Variants in PLCB4 observed in about 807,000 individuals in gnomAD.
PLCB4 encodes 1-phosphatidylinositol 4,5-bisphosphate phosphodiesterase beta-4.
A neutral mutation model predicts 178.8 loss-of-function variants in PLCB4; 77 were observed. The ratio of observed to expected loss-of-function variants is 0.43; its 90% CI spans 0.36 to 0.52. The LOEUF (loss-of-function observed/expected upper bound fraction) is 0.52, where lower values mean the gene tolerates loss of function less well. Among genes scored for constraint, PLCB4 ranks in the 20% least tolerant of loss-of-function variants. The pLI, the probability that PLCB4 is intolerant of heterozygous loss-of-function variation, is 0.00. For missense variants in PLCB4, 1,024 were observed against 1,453.4 expected (o/e 0.70, Z 4.80); for synonymous variants, 496 against 490.8 (o/e 1.01, Z -0.14).
intron 20 of PLCB4, among the ~76,000 whole-genome samples, chr20:9,404,417 C>T (rs553565611): frequency 3.6e-4 from 55 of 152,114 alleles, no homozygotes; most frequent in African/African-American, 1.3e-3. Context: ...GAATATTGAA[C>T]ATCTATTAAG....
chr20:9,182,611 G>A (rs2093265793), intron 2 of PLCB4, among the ~76,000 whole-genome samples: 1 of 152,216 alleles, frequency 6.6e-6, no homozygotes, highest in Non-Finnish European at 1.5e-5. Flanking sequence ...GGAGCTTCTG[G>A]CAGAGGTAGA....
intron 7 of PLCB4, among the ~76,000 whole-genome samples, chr20:9,342,093 C>T (rs2033272656): frequency 6.6e-6 from 1 of 152,082 alleles, no homozygotes; most frequent in South Asian, 2.1e-4. Context: ...GATACTCTTG[C>T]CCCCTTCCTT....
chr20:9,168,937 T>A (rs1430942315), intron 2 of PLCB4, among the ~76,000 whole-genome samples: 1 of 98,982 alleles, frequency 1.0e-5, no homozygotes, highest in African/African-American at 4.2e-5. Context: ...CAGCCACCAA[T>A]TAAGAAAGCG....
intron 1 of PLCB4, among the ~76,000 whole-genome samples, chr20:9,085,411 C>A (rs534472679): frequency 6.6e-6 from 1 of 152,116 alleles, no homozygotes; most frequent in Non-Finnish European, 1.5e-5. Context: ...GTAGCTAGCA[C>A]GTAGTAGGCT....
chr20:9,079,243 A>G (rs1469484245), intron 1 of PLCB4, among the ~76,000 whole-genome samples: 2 of 152,202 alleles, frequency 1.3e-5, no homozygotes, highest in Non-Finnish European at 2.9e-5. Context: ...TGGGGAACAG[A>G]TGGCATGTGT....
At chr20:9,122,447 G>A (rs1011043454) in intron 2 of PLCB4, among the ~76,000 whole-genome samples, 11 of 152,058 alleles carry the variant, frequency 7.2e-5, no homozygotes, top group Middle Eastern at 3.4e-3. Context: ...AGAATTATAA[G>A]TTATCCCAGG....
At chr20:9,162,300 G>A (rs1402711618) in intron 2 of PLCB4, among the ~76,000 whole-genome samples, 1 of 152,130 alleles carries the variant, frequency 6.6e-6, no homozygotes, top group Non-Finnish European at 1.5e-5. Flanking sequence ...TAATTGTTTT[G>A]TCTTTAATCC....
intron 35 of PLCB4, among the ~76,000 whole-genome samples, chr20:9,460,781 A>C (rs973578358): frequency 6.6e-6 from 1 of 152,252 alleles, no homozygotes; most frequent in African/African-American, 2.4e-5. Flanking sequence ...ATCTGGCTGC[A>C]TGCCCAAATT....
chr20:9,085,971 C>T lies in PLCB4; in HGVS notation c.-134-10316C>T, dbSNP rs1180811910. ...CTCTTTGGTTATTATAACCACAAAACAGTGGAATGGCTGTTTCTTCCTTTA... is the reference window on the plus strand; with the variant it reads ...CTCTTTGGTTATTATAACCACAAAATAGTGGAATGGCTGTTTCTTCCTTTA... On this transcript the variant is annotated intron_variant, in intron 1 of 39. Coordinates refer to ENST00000378473, the MANE Select transcript of PLCB4 (RefSeq NM_001377142.1). 2.6e-5 allele frequency among the ~76,000 whole-genome samples: 4 copies of T among 152,222 alleles called. No homozygotes were observed. The East Asian group carries it at 7.7e-4, about 29-fold the overall frequency.
At chr20:9,268,374 C>A (rs2094369700) in intron 3 of PLCB4, among the ~76,000 whole-genome samples, 1 of 152,130 alleles carries the variant, frequency 6.6e-6, no homozygotes, top group South Asian at 2.1e-4. Flanking sequence ...CAGCTCCAGG[C>A]TGATATCCCA....
intron 1 of PLCB4, among the ~76,000 whole-genome samples, chr20:9,081,899 G>A (rs537240545): frequency 6.6e-6 from 1 of 151,044 alleles, no homozygotes; most frequent in South Asian, 2.1e-4. Flanking sequence ...AATATGATAA[G>A]TAATTTGAAA....
At chr20:9,227,450 G>A (rs1393943554) in intron 3 of PLCB4, among the ~76,000 whole-genome samples, 1 of 151,912 alleles carries the variant, frequency 6.6e-6, no homozygotes, top group Admixed American at 6.6e-5. Flanking sequence ...TCTTCTATCA[G>A]TTTTATGATT....
intron 38 of PLCB4, among the ~76,000 whole-genome samples, chr20:9,475,345 G>T (rs895398323): frequency 2.6e-5 from 4 of 152,146 alleles, no homozygotes; most frequent in Non-Finnish European, 5.9e-5. Context: ...AAATCAGTTT[G>T]AGCTTTTATC....
At chr20:9,098,482 C>T (rs893384669) in intron 2 of PLCB4, among the ~76,000 whole-genome samples, 58 of 151,882 alleles carry the variant, frequency 3.8e-4, no homozygotes, top group African/African-American at 1.2e-3. Flanking sequence ...TCTGCAAGGT[C>T]GCCAGACAGT....
intron 2 of PLCB4, among the ~76,000 whole-genome samples, chr20:9,196,844 G>A (rs1051082848): frequency 3.9e-5 from 6 of 152,088 alleles, no homozygotes; most frequent in Non-Finnish European, 8.8e-5. Flanking sequence ...TTTATCTTGA[G>A]GTATAGCTCA....
At chr20:9,372,824 C>A (rs1185978772) in intron 11 of PLCB4, among the ~76,000 whole-genome samples, 1 of 150,536 alleles carries the variant, frequency 6.6e-6, no homozygotes, top group Non-Finnish European at 1.5e-5. Context: ...AAATTGCAGA[C>A]TTTTTCTGTG....
chr20:9,330,335 C>G (rs2148017652), intron 4 of PLCB4, among the ~76,000 whole-genome samples: 1 of 152,322 alleles, frequency 6.6e-6, no homozygotes, highest in South Asian at 2.1e-4. Flanking sequence ...CTTTGTTTCT[C>G]TCCAACCTTG....
At position 9,480,478 on chromosome 20, in the gene PLCB4, C is replaced by A. The variant is rs902270125; in HGVS notation, c.*1469C>A. 2.0e-5 allele frequency: 3 copies of A among 152,590 alleles called. No homozygotes were observed. Among genetic ancestry groups the A allele is most frequent in the Non-Finnish European group, 4.4e-5 (3 of 68,030 alleles). 9.5% of individuals were successfully genotyped at this position (152,590 alleles called of 1,614,324 possible). On this transcript the variant is annotated 3_prime_UTR_variant, in exon 40 of 40. Transcript: ENST00000378473. ...TAATAAAAAATTAAAACACGCATAACACTCGTCAAGAGTATTTGCTCCCAA... is the reference window on the plus strand; with the variant it reads ...TAATAAAAAATTAAAACACGCATAAAACTCGTCAAGAGTATTTGCTCCCAA...
Position 9,454,752 on chromosome 20 carries a change from A to T in PLCB4, c.2996+1290A>T, listed in dbSNP as rs141777090. Among the ~76,000 whole-genome samples, 440 of 152,316 alleles carry T rather than the reference A, an allele frequency of 2.9e-3. 3 individuals are homozygous for T. The highest frequency in any genetic ancestry group is 0.024 in the Middle Eastern group (7 of 294). ...CCAATGTAATTTGCTTGAGGAGTAA[A>T]TGGTGGGTAACTAAAATGCCTGCCC... is the stretch of plus-strand genomic sequence containing the variant. On this transcript the variant is annotated intron_variant, in intron 33 of 39. Transcript: ENST00000378473.
Sources: gnomAD v4.1 joint callset for allele counts (sites outside exome capture counted in the v4.1 genomes callset) on GRCh38, gnomAD v4.1.1 for gene constraint, MANE v1.5 for transcripts, NCBI Gene and HGNC (gene_info 2026-07-23, HGNC 2026-07-21) for gene names.